The following DNAH10 variants were observed in gnomAD, a reference collection of about 807,000 sequenced individuals.
DNAH10 encodes axonemal beta dynein heavy chain 10.
In DNAH10, 348 loss-of-function variants were observed where a neutral mutation model predicts 506.6. The ratio of observed to expected loss-of-function variants is 0.69; its 90% confidence interval spans 0.63 to 0.75. The LOEUF (loss-of-function observed/expected upper bound fraction) is 0.75, where lower values mean the gene tolerates loss of function less well. DNAH10 is among the 30% of genes least tolerant of loss of function. The pLI is 0.00. For synonymous variants in DNAH10, 2,059 were observed against 2,198.6 expected, an observed-to-expected ratio of 0.94 and a Z score of 1.78; for missense variants, 5,179 against 5,787.1, an observed-to-expected ratio of 0.89 and a Z score of 3.41.
chr12:123,828,261 G>A (rs920178512), intron 25 of DNAH10, among the ~76,000 whole-genome samples: 1 of 152,032 alleles, frequency 6.6e-6, no homozygotes, highest in Non-Finnish European at 1.5e-5. Context: ...AATGACCCTG[G>A]GGAGGGACTG....
At position 123,786,680 on chromosome 12, in the gene DNAH10, T is replaced by TATATATAAACACACACACACAC. The variant is rs1957866053; in HGVS notation, c.1421+744_1421+745insATATATAAACACACACACACAC. Among the ~76,000 whole-genome samples, 8 of 198 alleles carry TATATATAAACACACACACACAC rather than the reference T, an allele frequency of 0.04. No individual in the cohort carries two copies. In the South Asian group the frequency reaches 0.44, roughly 11 times the overall value. 0.1% of individuals were successfully genotyped at this position (198 alleles called of 152,430 possible). On this transcript the variant is annotated intron_variant, in intron 9 of 78. Transcript: ENST00000673944. ...TGTTTCAGATACATATATGTGTGTG[T>TATATATAAACACACACACACAC]GCACACACATATATCTACATGAAAT...
chr12:123,884,669 T>C (rs115619712), intron 51 of DNAH10, among the ~76,000 whole-genome samples: 1,805 of 152,198 alleles, frequency 0.012, 40 homozygotes, highest in African/African-American at 0.041. Context: ...ACCATCACAT[T>C]GGGGGTTATG....
chr12:123,851,275 GTTAGT>G (rs1405451537), intron 35 of DNAH10, among the ~76,000 whole-genome samples, 199 bp downstream of exon 35: 1 of 149,410 alleles, frequency 6.7e-6, no homozygotes, highest in Non-Finnish European at 1.5e-5. Flanking sequence ...CCTAGGATGT[GTTAGT>G]TCCATGTGGG....
intron 5 of DNAH10, among the ~76,000 whole-genome samples, chr12:123,777,182 C>T (rs184209331): frequency 2.2e-4 from 33 of 152,284 alleles, no homozygotes; most frequent in Non-Finnish European, 3.7e-4. Flanking sequence ...ACATGCCAAC[C>T]AGAGTGATGC....
rs187517658 is a variant in DNAH10 at position 123,791,393 on chromosome 12, G to A, written c.1815+1272G>A. On this transcript the variant is annotated intron_variant, in intron 11 of 78. Transcript: ENST00000673944. ...TCTCATGCAGGAAGCGTAATTAGGA[G>A]CATCCCCATTTATGTCTTACACAGT... Among the ~76,000 whole-genome samples, 26 of 152,264 alleles carry A rather than the reference G, an allele frequency of 1.7e-4. No individual in the cohort carries two copies. In the East Asian group the frequency reaches 4.2e-3, roughly 25 times the overall value.
At chr12:123,835,260 T>G in intron 27 of DNAH10, 146 bp from the exon 28 acceptor site, 1 of 814,594 alleles carries the variant, frequency 1.2e-6, no homozygotes, top group Non-Finnish European at 1.9e-6. Flanking sequence ...GAGCTGGCCA[T>G]GCAGATGCTC....
chr12:123,832,056 A>G (rs536164148), intron 26 of DNAH10, among the ~76,000 whole-genome samples: 1 of 152,338 alleles, frequency 6.6e-6, no homozygotes, highest in African/African-American at 2.4e-5. Context: ...ACGTATATGC[A>G]TGTAGACACA....
chr12:123,781,590 C>T (rs1048208189), intron 6 of DNAH10, among the ~76,000 whole-genome samples: 8 of 151,972 alleles, frequency 5.3e-5, no homozygotes, highest in East Asian at 1.9e-4. Context: ...CTCAGCCCCC[C>T]GAGTAGCTGG....
At chr12:123,932,168 AC>A in intron 76 of DNAH10, 60 bp downstream of exon 76, 1 of 1,594,800 alleles carries the variant, frequency 6.3e-7, no homozygotes, top group African/African-American at 1.3e-5. Context: ...GACTCCTCAA[AC>A]CACCTCCCAA....
rs1216786661 is a variant in DNAH10, at chr12:123,926,926, G to A, written c.12105+106G>A. ...AAGCTGAGTGCCACGCCACAAATCA[G>A]TTGGATGCATTTCCGAGCTAAGAAG... On this transcript the variant is annotated intron_variant, in intron 69 of 78. Coordinates refer to ENST00000673944, the MANE Select transcript of DNAH10 (RefSeq NM_001372106.1). The surrounding 1 kb of genome is among the most constrained non-coding windows in gnomAD (Gnocchi z 4.1). The A allele has an allele frequency of 7.9e-7, 1 of 1,268,748 alleles. No individual in the cohort carries two copies. Among genetic ancestry groups the A allele is most frequent in the Non-Finnish European group, 1.1e-6 (1 of 922,914 alleles). The allele number at this position is 1,268,748 out of a possible 1,614,324, so 78.6% of individuals were successfully genotyped here. A position where few individuals can be genotyped will look rare whatever the true frequency, so the allele number is the denominator to read the frequency against.
rs1017754530 is a variant in DNAH10, at chr12:123,903,180, G to A, written c.9815+67G>A. 153 of 1,498,810 alleles carry A rather than the reference G, an allele frequency of 1.0e-4. No homozygotes were observed. Among genetic ancestry groups the A allele is most frequent in the Non-Finnish European group, 1.3e-4 (142 of 1,122,540 alleles). 92.8% of individuals were successfully genotyped at this position (1,498,810 alleles called of 1,614,324 possible). On this transcript the variant is annotated intron_variant, in intron 57 of 78. Coordinates refer to ENST00000673944, the MANE Select transcript of DNAH10 (RefSeq NM_001372106.1). The surrounding 1 kb of genome is among the most constrained non-coding windows in gnomAD (Gnocchi z 4.6). ...CTGCAAGCCAGTAGTCTCCATGATC[G>A]TGGCAACCAGGAGCTTACAAAGGAG...
intron 35 of DNAH10, 133 bp downstream of exon 35, chr12:123,851,209 G>C: frequency 1.0e-6 from 1 of 960,226 alleles, no homozygotes; most frequent in Non-Finnish European, 1.4e-6. Flanking sequence ...GCTCCATGTG[G>C]CTCTTCCAGA....
At chr12:123,881,221 G>A (rs927358388) in intron 50 of DNAH10, among the ~76,000 whole-genome samples, 6 of 152,146 alleles carry the variant, frequency 3.9e-5, no homozygotes, top group African/African-American at 1.2e-4. Context: ...TTGAGGAATC[G>A]CCACACTGAC....
intron 54 of DNAH10, among the ~76,000 whole-genome samples, chr12:123,896,762 G>C (rs1156374291): frequency 6.6e-6 from 1 of 150,644 alleles, no homozygotes; most frequent in Non-Finnish European, 1.5e-5. Context: ...GATCACTGCT[G>C]TGGCCCTGAA....
At chr12:123,837,944 A>G (rs758918051) in intron 28 of DNAH10, among the ~76,000 whole-genome samples, 11 of 152,126 alleles carry the variant, frequency 7.2e-5, no homozygotes, top group Non-Finnish European at 1.2e-4. Flanking sequence ...AGTTTGACCT[A>G]TTTCAATAAA....
In DNAH10 at chr12:123,781,149, G is replaced by A. The variant is rs776960356; in HGVS notation, c.691G>A (p.Val231Ile). 1 of 1,614,106 alleles carries A rather than the reference G, an allele frequency of 6.2e-7. No individual in the cohort carries two copies. Among genetic ancestry groups the A allele is most frequent in the Non-Finnish European group, 8.5e-7 (1 of 1,179,996 alleles). Residue 231 changes from valine (V) to isoleucine (I), a missense_variant, in exon 6 of 79, where the codon GTC becomes ATC. This residue lies in a region of DNAH10 where 326 missense variants were observed against 330.8 expected (regional missense o/e 0.99). Coordinates refer to ENST00000673944, the MANE Select transcript of DNAH10 (RefSeq NM_001372106.1). ...STTVGVTSGE[V>I]SNSSEHESDL... ...AACCGTGGGAGTCACATCTGGAGAA[G>A]TCTCTAATTCCTCTGAGCATGAATC...
intron 11 of DNAH10, among the ~76,000 whole-genome samples, chr12:123,792,437 T>C (rs1958112944): frequency 6.7e-6 from 1 of 149,684 alleles, no homozygotes; most frequent in Non-Finnish European, 1.5e-5. Context: ...TGTTTACCTT[T>C]TTTTTCCTTT....
chr12:123,857,900 G>A (rs1196357084), intron 37 of DNAH10, among the ~76,000 whole-genome samples: 1 of 152,072 alleles, frequency 6.6e-6, no homozygotes, highest in Non-Finnish European at 1.5e-5. Flanking sequence ...ACCTCTGCTC[G>A]ACTTCCTGTC....
intron 2 of DNAH10, among the ~76,000 whole-genome samples, chr12:123,769,922 G>GT (rs373397275): frequency 0.016 from 2,227 of 139,946 alleles, 65 homozygotes; most frequent in African/African-American, 0.053. Flanking sequence ...CCTGGCTAAG[G>GT]TTTTTTTTTT....
Sources: allele counts gnomAD v4.1 joint callset (sites outside exome capture counted in the v4.1 genomes callset), GRCh38; gene constraint gnomAD v4.1.1; regional missense constraint gnomAD v4.1.1; non-coding constraint Gnocchi (gnomAD v3.1); transcripts MANE v1.5; gene names NCBI Gene and HGNC (gene_info 2026-07-23, HGNC 2026-07-21).